The following CAMK1D variants were observed in gnomAD, a reference collection of about 807,000 sequenced individuals.
The protein encoded by CAMK1D is calcium/calmodulin-dependent protein kinase type 1D.
CAMK1D carries 9 observed loss-of-function variants against 47.7 expected under a neutral mutation model. That is an observed-to-expected ratio of 0.19 (90% CI 0.11 to 0.33). The LOEUF (loss-of-function observed/expected upper bound fraction) is 0.33. CAMK1D is among the 10% of genes least tolerant of loss of function. The pLI, the probability that CAMK1D is intolerant of heterozygous loss-of-function variation, is 1.00. For synonymous variants in CAMK1D, 184 were observed against 184.9 expected (o/e 0.99, Z 0.04); for missense variants, 291 against 488.7 (o/e 0.60, Z 3.81).
chr10:12,400,640 A>G (rs1839141339), intron 1 of CAMK1D, among the ~76,000 whole-genome samples: 1 of 152,074 alleles, frequency 6.6e-6, no homozygotes, highest in African/African-American at 2.4e-5. Flanking sequence ...TGAGAACTTT[A>G]TCTTCTGAGG....
At chr10:12,740,687 C>T (rs375695413) in intron 3 of CAMK1D, among the ~76,000 whole-genome samples, 1 of 152,166 alleles carries the variant, frequency 6.6e-6, no homozygotes, top group African/African-American at 2.4e-5. Context: ...AGAGTTTGAA[C>T]AAGACACAAA....
At chr10:12,827,187 T>C (rs200873806) in intron 10 of CAMK1D, among the ~76,000 whole-genome samples, 17 of 149,366 alleles carry the variant, frequency 1.1e-4, no homozygotes, top group Non-Finnish European at 2.4e-4. Context: ...CTTCTCTCTT[T>C]TCTTTTCCCT....
At chr10:12,371,240 C>G (rs1303504277) in intron 1 of CAMK1D, among the ~76,000 whole-genome samples, 1 of 152,076 alleles carries the variant, frequency 6.6e-6, no homozygotes, top group African/African-American at 2.4e-5. Flanking sequence ...GGCCCGGAAG[C>G]TCCATTCATG....
chr10:12,368,812 T>G (rs1837925676), intron 1 of CAMK1D, among the ~76,000 whole-genome samples: 2 of 150,674 alleles, frequency 1.3e-5, no homozygotes, highest in African/African-American at 4.9e-5. Flanking sequence ...GGACGTTGAC[T>G]TTATTTATTT....
rs537978147 is a variant in CAMK1D at position 12,373,718 on chromosome 10, A to T, written c.92+23808A>T. On this transcript the variant is annotated intron_variant, in intron 1 of 10. Coordinates refer to ENST00000619168, the MANE Select transcript of CAMK1D (RefSeq NM_153498.4). ...AAACACTTCATAGCATGCTTACATCACCTGCTGTCTGCCGCTCTGCATGGT... is the reference window on the plus strand; with the variant it reads ...AAACACTTCATAGCATGCTTACATCTCCTGCTGTCTGCCGCTCTGCATGGT... Among the ~76,000 whole-genome samples, 46 of 151,986 alleles carry T rather than the reference A, an allele frequency of 3.0e-4. 1 individual carries two copies. In the South Asian group the frequency reaches 6.3e-3, roughly 21 times the overall value.
intron 2 of CAMK1D, among the ~76,000 whole-genome samples, chr10:12,615,805 T>C (rs528503119): frequency 1.3e-5 from 2 of 151,684 alleles, no homozygotes; most frequent in East Asian, 3.9e-4. Context: ...GTATGTGTTG[T>C]GTGCGTGTGT....
chr10:12,659,847 T>C (rs74729697), intron 2 of CAMK1D, among the ~76,000 whole-genome samples: 11,092 of 152,242 alleles, frequency 0.073, 579 homozygotes, highest in Non-Finnish European at 0.11. Context: ...TCTATGGCCT[T>C]TGCTTGCGGA....
rs1251993304 is a variant in CAMK1D at position 12,633,630 on chromosome 10, C to T, written c.225-33106C>T. On this transcript the variant is annotated intron_variant, in intron 2 of 10. Transcript: ENST00000619168. Reference sequence around the variant, plus strand: ...GGAGTGCAGTAGCACAATCATGGCTCAGGGCAGCCTCAACCTCCTGGGCTC... The same window carrying T: ...GGAGTGCAGTAGCACAATCATGGCTTAGGGCAGCCTCAACCTCCTGGGCTC... Among the ~76,000 whole-genome samples, 3 of 152,076 alleles carry T rather than the reference C, an allele frequency of 2.0e-5. 1 individual carries two copies. The highest frequency in any genetic ancestry group is 3.8e-4 in the East Asian group (2 of 5,196).
chr10:12,779,403 A>G (rs1348492291), intron 5 of CAMK1D, among the ~76,000 whole-genome samples: 3 of 152,160 alleles, frequency 2.0e-5, no homozygotes, highest in South Asian at 2.1e-4. Context: ...AGAAACTTCT[A>G]TTTGGTGGAG....
chr10:12,717,578 T>C (rs1172019381), intron 3 of CAMK1D, among the ~76,000 whole-genome samples: 1 of 151,582 alleles, frequency 6.6e-6, no homozygotes, highest in East Asian at 1.9e-4. Context: ...ATAGACCTCT[T>C]CTCTACAAAA....
At chr10:12,417,708 C>T (rs1839903182) in intron 1 of CAMK1D, among the ~76,000 whole-genome samples, 1 of 152,172 alleles carries the variant, frequency 6.6e-6, no homozygotes, top group Non-Finnish European at 1.5e-5. Context: ...AAGCAAGGAA[C>T]ACGGAGGTCC....
chr10:12,526,543 C>T (rs1423501682), intron 1 of CAMK1D, among the ~76,000 whole-genome samples: 1 of 152,168 alleles, frequency 6.6e-6, no homozygotes, highest in Admixed American at 6.5e-5. Context: ...TACCCTCCCA[C>T]ACCACATACG....
chr10:12,630,427 AG>A (rs1417696877), intron 2 of CAMK1D, among the ~76,000 whole-genome samples: 2 of 147,830 alleles, frequency 1.4e-5, no homozygotes, highest in African/African-American at 5.0e-5. Flanking sequence ...CCCAGGCTGG[AG>A]AACAGTGGTG....
At chr10:12,655,573 C>G (rs1840095103) in intron 2 of CAMK1D, among the ~76,000 whole-genome samples, 1 of 152,148 alleles carries the variant, frequency 6.6e-6, no homozygotes, top group Non-Finnish European at 1.5e-5. Context: ...ATTAATTGTT[C>G]ATTCATTCAT....
At chr10:12,546,743 A>G (rs536630918) in intron 1 of CAMK1D, among the ~76,000 whole-genome samples, 2 of 144,522 alleles carry the variant, frequency 1.4e-5, no homozygotes, top group South Asian at 4.7e-4. Flanking sequence ...TCTCACTCAT[A>G]GGTGGGAAGT....
At chr10:12,789,164 T>C (rs1051557058) in intron 5 of CAMK1D, among the ~76,000 whole-genome samples, 4 of 152,250 alleles carry the variant, frequency 2.6e-5, no homozygotes, top group African/African-American at 9.6e-5. Flanking sequence ...GCTGTGAGTG[T>C]GACCCAACAC....
chr10:12,649,688 G>C (rs936260161), intron 2 of CAMK1D, among the ~76,000 whole-genome samples: 3 of 152,072 alleles, frequency 2.0e-5, no homozygotes, highest in Non-Finnish European at 4.4e-5. Context: ...AAAAATGTTG[G>C]TGAAAAGAAT....
intron 3 of CAMK1D, among the ~76,000 whole-genome samples, chr10:12,757,374 T>G (rs994652952): frequency 4.6e-5 from 7 of 152,236 alleles, no homozygotes. Context: ...ATGCTTTGCA[T>G]GTTTTAATTG....
chr10:12,658,200 G>A (rs1840172093), intron 2 of CAMK1D, among the ~76,000 whole-genome samples: 1 of 152,210 alleles, frequency 6.6e-6, no homozygotes, highest in Admixed American at 6.5e-5. Context: ...GGTGCTGCAA[G>A]CTGTGAGAAA....
Sources: allele counts gnomAD v4.1 joint callset (sites outside exome capture counted in the v4.1 genomes callset), GRCh38; gene constraint gnomAD v4.1.1; transcripts MANE v1.5; gene names NCBI Gene and HGNC (gene_info 2026-07-23, HGNC 2026-07-21).